Variants in ZRANB3 observed in about 807,000 individuals in gnomAD.
The protein encoded by ZRANB3 is DNA annealing helicase and endonuclease ZRANB3.
ZRANB3 carries 125 observed loss-of-function variants against 133.8 expected under a neutral mutation model. The observed-to-expected ratio is 0.93, with a 90% confidence interval of 0.81 to 1.08. The LOEUF (loss-of-function observed/expected upper bound fraction) is 1.08. Among genes scored for constraint, ZRANB3 ranks in the 50% least tolerant of loss-of-function variants. The probability of loss-of-function intolerance (pLI) is 0.00; values close to 1 mark genes in which losing one functional copy is unlikely to be tolerated. For synonymous variants in ZRANB3, 387 were observed against 432.7 expected (o/e 0.89, Z 1.31); for missense variants, 1,229 against 1,275.5 (o/e 0.96, Z 0.56).
chr2:135,294,805 C>G (rs1487595844), intron 8 of ZRANB3, among the ~76,000 whole-genome samples: 1 of 152,052 alleles, frequency 6.6e-6, no homozygotes, highest in Non-Finnish European at 1.5e-5. Flanking sequence ...TGTCTTTGTT[C>G]TCGTTGGTTT....
chr2:135,318,218 G>GTT (rs1182578581), intron 6 of ZRANB3, among the ~76,000 whole-genome samples: 1 of 112,386 alleles, frequency 8.9e-6, no homozygotes, highest in African/African-American at 4.3e-5. Flanking sequence ...TATTTTGTGT[G>GTT]TGTGTGTGTG....
intron 3 of ZRANB3, among the ~76,000 whole-genome samples, chr2:135,367,034 A>G (rs1685971326): frequency 6.6e-6 from 1 of 152,046 alleles, no homozygotes; most frequent in Non-Finnish European, 1.5e-5. Context: ...AAATAATAAT[A>G]ATAATTTTTA....
At position 135,389,578 on chromosome 2, in the gene ZRANB3, G is replaced by A. The variant is rs146620142; in HGVS notation, c.180+1224C>T. 5.6e-3 allele frequency among the ~76,000 whole-genome samples: 853 copies of A among 152,026 alleles called. 7 individuals carry two copies. The highest frequency in any genetic ancestry group is 0.019 in the African/African-American group (796 of 41,490). ...AAATTAGCTGGGCGTGGTGGTGCGC[G>A]CCTGTAGTCCCACCTACTGGGGAGG... On this transcript the variant is annotated intron_variant, in intron 3 of 20. Transcript: ENST00000264159.
chr2:135,397,447 C>CA (rs373434643), intron 2 of ZRANB3, among the ~76,000 whole-genome samples: 23,719 of 116,590 alleles, frequency 0.2, 2,574 homozygotes, highest in East Asian at 0.5. Flanking sequence ...GACCCTGACT[C>CA]AAAAAAAAAA....
Position 135,269,148 on chromosome 2 carries a change from G to T in ZRANB3, c.1207-7C>A. On this transcript the variant is annotated splice_region_variant and splice_polypyrimidine_tract_variant and intron_variant, in intron 10 of 20. Transcript: ENST00000264159. ...CTGCAGTAAATGTTAATCCCTAAGT[G>T]AAATAAAGCAAATAAATTGAGAATG... 6.3e-7 allele frequency: 1 copy of T among 1,579,754 alleles called. No homozygotes were observed. The highest frequency in any genetic ancestry group is 8.6e-7 in the Non-Finnish European group (1 of 1,165,680).
At chr2:135,260,290 G>A (rs1456857740) in intron 12 of ZRANB3, among the ~76,000 whole-genome samples, 1 of 152,122 alleles carries the variant, frequency 6.6e-6, no homozygotes, top group Admixed American at 6.5e-5. Context: ...AGTGGAAATT[G>A]GACTGACCAC....
chr2:135,345,138 C>T (rs1032684684), intron 6 of ZRANB3: 3 of 152,326 alleles, frequency 2.0e-5, no homozygotes, highest in Admixed American at 6.5e-5. Context: ...TTATCTATTA[C>T]TTTTATTTAT....
At chr2:135,487,109 C>T (rs189150075) in intron 2 of ZRANB3, among the ~76,000 whole-genome samples, 281 of 152,258 alleles carry the variant, frequency 1.8e-3, no homozygotes, top group Middle Eastern at 6.8e-3. Flanking sequence ...TTACCAGGCA[C>T]GAAAACAACA....
intron 2 of ZRANB3, among the ~76,000 whole-genome samples, chr2:135,462,605 C>CTT (rs1187115728): frequency 7.5e-6 from 1 of 134,206 alleles, no homozygotes; most frequent in Non-Finnish European, 1.6e-5. Flanking sequence ...TTTTCTTTTT[C>CTT]TTTTTTTTTT....
At chr2:135,417,276 C>T (rs1292810281) in intron 2 of ZRANB3, among the ~76,000 whole-genome samples, 1 of 151,932 alleles carries the variant, frequency 6.6e-6, no homozygotes, top group Admixed American at 6.6e-5. Flanking sequence ...AAAAAACAAA[C>T]AACCCCATCA....
intron 3 of ZRANB3, among the ~76,000 whole-genome samples, chr2:135,375,599 G>A (rs1200219204): frequency 6.6e-6 from 1 of 152,122 alleles, no homozygotes; most frequent in East Asian, 1.9e-4. Flanking sequence ...GCAGGAAAAT[G>A]GCGTGAACCT....
intron 2 of ZRANB3, among the ~76,000 whole-genome samples, chr2:135,402,917 A>G (rs919760568): frequency 1.3e-5 from 2 of 152,140 alleles, no homozygotes; most frequent in Non-Finnish European, 2.9e-5. Context: ...ACCTTATTGC[A>G]TAATACACAT....
chr2:135,221,314 AC>A (rs1189120946), intron 15 of ZRANB3, among the ~76,000 whole-genome samples: 3 of 152,154 alleles, frequency 2.0e-5, no homozygotes, highest in African/African-American at 7.2e-5. Context: ...AGTATTTAGA[AC>A]AGTCATAAAA....
intron 6 of ZRANB3, among the ~76,000 whole-genome samples, chr2:135,319,618 T>C (rs1013211498): frequency 6.6e-6 from 1 of 152,210 alleles, no homozygotes; most frequent in African/African-American, 2.4e-5. Flanking sequence ...TCTGGCTCTC[T>C]ACATTTCAAC....
At chr2:135,224,075 A>T (rs928600439) in intron 15 of ZRANB3, among the ~76,000 whole-genome samples, 5 of 152,198 alleles carry the variant, frequency 3.3e-5, no homozygotes, top group Non-Finnish European at 5.9e-5. Context: ...TATGGGATAC[A>T]TGAGATATTT....
At chr2:135,379,117 T>C (rs564608724) in intron 3 of ZRANB3, among the ~76,000 whole-genome samples, 1 of 152,094 alleles carries the variant, frequency 6.6e-6, no homozygotes, top group Admixed American at 6.6e-5. Flanking sequence ...GGAAACTGGG[T>C]GTGGGGTATA....
chr2:135,211,727 T>C (rs996591569), intron 17 of ZRANB3, among the ~76,000 whole-genome samples: 2 of 152,230 alleles, frequency 1.3e-5, no homozygotes, highest in African/African-American at 2.4e-5. Flanking sequence ...AATGGCTCCA[T>C]GTTATTCCAT....
intron 4 of ZRANB3, among the ~76,000 whole-genome samples, chr2:135,350,972 T>C (rs1685177368): frequency 6.6e-6 from 1 of 152,188 alleles, no homozygotes; most frequent in Non-Finnish European, 1.5e-5. Flanking sequence ...TATCATGAGA[T>C]TGGTAAGGGC....
At chr2:135,240,782 G>A (rs2121986) in intron 12 of ZRANB3, among the ~76,000 whole-genome samples, 15,986 of 152,046 alleles carry the variant, frequency 0.11, 1,105 homozygotes, top group South Asian at 0.32. Flanking sequence ...GTTTCAACAT[G>A]TTGCCCAGGC....
Sources: gnomAD v4.1 joint callset for allele counts (sites outside exome capture counted in the v4.1 genomes callset) on GRCh38, gnomAD v4.1.1 for gene constraint, MANE v1.5 for transcripts, NCBI Gene and HGNC (gene_info 2026-07-23, HGNC 2026-07-21) for gene names.